Variants in HELZ observed in about 807,000 individuals in gnomAD.
The protein encoded by HELZ is ATP-dependent RNA helicase with zinc finger domain.
HELZ carries 23 observed loss-of-function variants against 218.2 expected under a neutral mutation model. The ratio of observed to expected loss-of-function variants is 0.11; its 90% confidence interval spans 0.08 to 0.15. The LOEUF (loss-of-function observed/expected upper bound fraction) is 0.15. Among genes scored for constraint, HELZ ranks in the 10% least tolerant of loss-of-function variants. The pLI is 1.00. For synonymous variants in HELZ, 814 were observed against 829.4 expected, an observed-to-expected ratio of 0.98 and a Z score of 0.32; for missense variants, 1,813 against 2,353.7, an observed-to-expected ratio of 0.77 and a Z score of 4.75.
chr17:67,163,565 AT>A (rs11421490), intron 15 of HELZ, among the ~76,000 whole-genome samples: 3 of 148,706 alleles, frequency 2.0e-5, no homozygotes, highest in Non-Finnish European at 3.0e-5. Flanking sequence ...CGCTCGGCTA[AT>A]TTTTTTTTTG....
chr17:67,209,652 T>TA lies in HELZ; in HGVS notation c.248-6210dup, dbSNP rs200126760. Among the ~76,000 whole-genome samples the TA allele has an allele frequency of 7.8e-3, 1,192 of 152,236 alleles. 14 individuals are homozygous for TA. The highest frequency in any genetic ancestry group is 0.025 in the African/African-American group (1,039 of 41,530). ...AGTATACACAAGTAGTAGTTGAGGATAAAGCAAAGCAACATGCCCTTTCAG... is the reference window on the plus strand; with the variant it reads ...AGTATACACAAGTAGTAGTTGAGGATAAAAGCAAAGCAACATGCCCTTTCAG... On this transcript the variant is annotated intron_variant, in intron 5 of 32. Transcript: ENST00000358691.
chr17:67,092,264 G>A (rs1467794525), intron 31 of HELZ, among the ~76,000 whole-genome samples: 4 of 152,050 alleles, frequency 2.6e-5, no homozygotes, highest in Non-Finnish European at 5.9e-5. Context: ...CATCAATAGA[G>A]GACACATTTC....
rs1334976146 is a variant in HELZ at position 67,107,359 on chromosome 17, G to C, written c.5051C>G (p.Thr1684Ser). The C allele has an allele frequency of 6.2e-7, 1 of 1,614,240 alleles. No individual in the cohort carries two copies. The highest frequency in any genetic ancestry group is 1.1e-5 in the South Asian group (1 of 91,088). ...GTGATTCTGTTGCAAGTTAGCAAAA[G>C]TCCATGCTCCATCAGGTGCCAGGTA... ...LKYLAPDGAW[T>S]FANLQQNHLM... Residue 1684 changes from threonine (T) to serine (S), a missense_variant, in exon 31 of 33, where the codon ACT becomes AGT. Around this residue, in one of 4 missense-constraint regions of HELZ, gnomAD observed 938 missense variants for 1,027.5 expected, o/e 0.91. Transcript: ENST00000358691.
At chr17:67,131,246 C>A (rs2037973875) in intron 23 of HELZ, among the ~76,000 whole-genome samples, 1 of 152,118 alleles carries the variant, frequency 6.6e-6, no homozygotes, top group African/African-American at 2.4e-5. Flanking sequence ...GCTTTCACAG[C>A]CAAAATGCTA....
At chr17:67,179,998 T>C (rs1184967270) in intron 12 of HELZ, among the ~76,000 whole-genome samples, 1 of 152,230 alleles carries the variant, frequency 6.6e-6, no homozygotes, top group African/African-American at 2.4e-5. Context: ...AACATGAGCC[T>C]AGTCATTCAC....
chr17:67,202,079 T>C (rs2040183862), intron 6 of HELZ, among the ~76,000 whole-genome samples: 1 of 152,126 alleles, frequency 6.6e-6, no homozygotes, highest in African/African-American at 2.4e-5. Context: ...ATCTGCCCCA[T>C]AATTTTATCA....
At chr17:67,174,534 C>T (rs1725297148) in intron 13 of HELZ, among the ~76,000 whole-genome samples, 3 of 152,144 alleles carry the variant, frequency 2.0e-5, no homozygotes, top group South Asian at 2.1e-4. Flanking sequence ...CATGGTAGCT[C>T]GCGCCTGTAA....
rs1173532693 is a variant in HELZ, at chr17:67,136,111, T to C, written c.3041A>G (p.Gln1014Arg). ...HKQTPIKKKEQLLEDSTEDLD... is the reference protein window; with the variant it reads ...HKQTPIKKKERLLEDSTEDLD... ...GTCCTCTGTGGAATCTTCCAGAAGT[T>C]GCTCTTTCTTTTTAATTGGTGTCTG... Residue 1014 changes from glutamine (Q) to arginine (R), a missense_variant, in exon 23 of 33, where the codon CAA becomes CGA. By Grantham distance (43) the Gln-to-Arg change is conservative. Transcript: ENST00000358691. The C allele has an allele frequency of 6.2e-7, 1 of 1,613,844 alleles. No individual in the cohort carries two copies. The highest frequency in any genetic ancestry group is 8.5e-7 in the Non-Finnish European group (1 of 1,179,884).
In HELZ at chr17:67,211,874, G is replaced by C. The variant is rs915353767; in HGVS notation, c.247+4025C>G. Among the ~76,000 whole-genome samples, 3 of 151,900 alleles carry C rather than the reference G, an allele frequency of 2.0e-5. No homozygotes were observed. In the South Asian group the frequency reaches 6.2e-4, roughly 32 times the overall value. ...AAACTGTCTCAAAAAAAGAAGAAAA[G>C]GGGAAGGGAAGGGGGAAGGTAAGGG... On this transcript the variant is annotated intron_variant, in intron 5 of 32. Coordinates refer to ENST00000358691, the MANE Select transcript of HELZ (RefSeq NM_014877.4).
intron 23 of HELZ, among the ~76,000 whole-genome samples, chr17:67,132,195 A>T (rs1349522308): frequency 2.0e-5 from 3 of 151,060 alleles, no homozygotes; most frequent in East Asian, 3.9e-4. Flanking sequence ...AACACTAAAA[A>T]ATCACTTGGT....
At chr17:67,164,546 A>C (rs1225170472) in intron 15 of HELZ, among the ~76,000 whole-genome samples, 2 of 152,208 alleles carry the variant, frequency 1.3e-5, no homozygotes, top group African/African-American at 4.8e-5. Context: ...GACTATATTT[A>C]ACACTATGGA....
At position 67,107,358 on chromosome 17, in the gene HELZ, A is replaced by G; in HGVS notation, c.5052T>C (p.Thr1684=). ...LKYLAPDGAW[T]FANLQQNHLM... Reference sequence around the variant, plus strand: ...GGTGATTCTGTTGCAAGTTAGCAAAAGTCCATGCTCCATCAGGTGCCAGGT... The same window carrying G: ...GGTGATTCTGTTGCAAGTTAGCAAAGGTCCATGCTCCATCAGGTGCCAGGT... Residue 1684 remains threonine (T), a synonymous_variant, in exon 31 of 33, where the codon ACT becomes ACC. Transcript: ENST00000358691. 1 of 1,614,258 alleles carries G rather than the reference A, an allele frequency of 6.2e-7. No individual in the cohort carries two copies. Among genetic ancestry groups the G allele is most frequent in the Non-Finnish European group, 8.5e-7 (1 of 1,180,042 alleles).
intron 27 of HELZ, 31 bp downstream of exon 27, chr17:67,120,374 A>C: frequency 1.9e-6 from 3 of 1,557,610 alleles, no homozygotes; most frequent in Non-Finnish European, 2.7e-6. Context: ...TCATCAGTTT[A>C]TGAACAGGAG....
At chr17:67,083,640 A>C (rs2036266581) in intron 32 of HELZ, among the ~76,000 whole-genome samples, 1 of 152,210 alleles carries the variant, frequency 6.6e-6, no homozygotes, top group Non-Finnish European at 1.5e-5. Flanking sequence ...AAAACAAAAC[A>C]AAACAAACAA....
intron 3 of HELZ, among the ~76,000 whole-genome samples, chr17:67,236,501 A>G (rs991565161): frequency 2.6e-5 from 4 of 152,218 alleles, no homozygotes; most frequent in African/African-American, 7.2e-5. Flanking sequence ...AAAACCACCC[A>G]GACAGCAGTA....
At position 67,207,282 on chromosome 17, in the gene HELZ, A is replaced by G. The variant is rs998097141; in HGVS notation, c.248-3839T>C. 4.7e-5 allele frequency among the ~76,000 whole-genome samples: 6 copies of G among 127,756 alleles called. 1 individual carries two copies. In the East Asian group the frequency reaches 7.5e-4, roughly 16 times the overall value. The allele number at this position is 127,756 out of a possible 152,430, so 83.8% of individuals were successfully genotyped here. ...GTTGCCCAGGCTGGAGTGCAGTGGC[A>G]TGATTAGGCTCACTGCAACCACCGC... On this transcript the variant is annotated intron_variant, in intron 5 of 32. Transcript: ENST00000358691.
intron 17 of HELZ, among the ~76,000 whole-genome samples, chr17:67,158,211 A>G (rs573169104): frequency 2.6e-5 from 4 of 152,320 alleles, no homozygotes; most frequent in African/African-American, 9.6e-5. Flanking sequence ...GTTCCAGCCT[A>G]TATCATGAAG....
At chr17:67,240,128 T>C (rs2041282257) in intron 2 of HELZ, among the ~76,000 whole-genome samples, 1 of 152,246 alleles carries the variant, frequency 6.6e-6, no homozygotes, top group Non-Finnish European at 1.5e-5. Context: ...CTAACTGTTT[T>C]CATGTTTCAC....
chr17:67,167,489 T>G lies in HELZ; in HGVS notation c.1738A>C (p.Asn580His). 6.2e-7 allele frequency: 1 copy of G among 1,613,348 alleles called. No individual in the cohort carries two copies. Among genetic ancestry groups the G allele is most frequent in the Non-Finnish European group, 8.5e-7 (1 of 1,179,458 alleles). The change falls in exon 14 of 33, where the codon AAT becomes CAT. Residue 580 changes from asparagine (N) to histidine (H), a missense_variant. Coordinates refer to ENST00000358691, the MANE Select transcript of HELZ (RefSeq NM_014877.4). ...TGTGTGTCACAGTCAGGCCGAAGAT[T>G]AAGTTCTTCACAGCATTCCCTAGAT... ...RLSRECCEEL[N>H]LRPDCDTQVE...
Sources: gnomAD v4.1 joint callset for allele counts (sites outside exome capture counted in the v4.1 genomes callset) on GRCh38, gnomAD v4.1.1 for gene constraint, gnomAD v4.1.1 regional missense constraint, MANE v1.5 for transcripts, NCBI Gene and HGNC (gene_info 2026-07-23, HGNC 2026-07-21) for gene names.